Variants in ABCB1 observed in about 807,000 individuals in gnomAD.
ABCB1 encodes ATP-dependent translocase ABCB1.
Under a neutral mutation model 142.0 loss-of-function variants are expected in ABCB1, and 69 were observed. The ratio of observed to expected loss-of-function variants is 0.49; its 90% CI spans 0.40 to 0.59. The LOEUF is 0.59. Ranked by LOEUF, ABCB1 falls within the 20% of genes least tolerant of loss-of-function variation. The probability of loss-of-function intolerance (pLI) is 0.00; values close to 1 mark genes in which losing one functional copy is unlikely to be tolerated. For synonymous variants in ABCB1, 532 were observed against 539.2 expected (o/e 0.99, Z 0.18); for missense variants, 1,326 against 1,554.7 (o/e 0.85, Z 2.47).
chr7:87,516,639 G>C lies in ABCB1; in HGVS notation c.2954C>G (p.Ala985Gly), dbSNP rs1306027704. 6.2e-7 allele frequency: 1 copy of C among 1,613,592 alleles called. No individual in the cohort carries two copies. The highest frequency in any genetic ancestry group is 1.7e-5 in the Admixed American group (1 of 59,978). ...LLVFSAVVFG[A>G]MAVGQVSSFA... ...TGAACTGACTTGCCCCACGGCCATG[G>C]CACCAAAGACAACAGCTGAAAATAC... The change falls in exon 24 of 28, where the codon GCC becomes GGC. Residue 985 changes from alanine (A) to glycine (G), a missense_variant. Physicochemically the swap from Ala to Gly is moderately conservative, Grantham distance 60. Transcript: ENST00000622132.
rs762287951 is a variant in ABCB1 at position 87,539,361 on chromosome 7, T to TA, written c.2320-17dup. ...ATGTGAAACCCTGTGGGCAGGAACA[T>TA]ACCTTGTCAGGGACCCAGCCACCAT... is the stretch of plus-strand genomic sequence containing the variant. On this transcript the variant is annotated splice_polypyrimidine_tract_variant and intron_variant, in intron 18 of 27. Coordinates refer to ENST00000622132, the MANE Select transcript of ABCB1 (RefSeq NM_001348946.2). 1 of 1,613,076 alleles carries TA rather than the reference T, an allele frequency of 6.2e-7. No individual in the cohort carries two copies. Among genetic ancestry groups the TA allele is most frequent in the Admixed American group, 1.7e-5 (1 of 60,004 alleles).
chr7:87,530,476 A>AC (rs28401768), intron 21 of ABCB1, among the ~76,000 whole-genome samples: 84 of 151,942 alleles, frequency 5.5e-4, no homozygotes, highest in African/African-American at 2.0e-3. Context: ...GAGATAATAG[A>AC]CCCCATATGG....
chr7:87,619,406 G>A (rs1820143165), intron 1 of ABCB1, among the ~76,000 whole-genome samples: 1 of 151,976 alleles, frequency 6.6e-6, no homozygotes. Context: ...GGGTATGGTG[G>A]CACATGCTTG....
At chr7:87,524,088 C>T (rs1815667199) in intron 21 of ABCB1, among the ~76,000 whole-genome samples, 1 of 151,982 alleles carries the variant, frequency 6.6e-6, no homozygotes, top group African/African-American at 2.4e-5. Context: ...AATTACCTAA[C>T]TTCAAACATA....
intron 1 of ABCB1, chr7:87,628,591 GT>G: frequency 1.4e-5 from 1 of 70,990 alleles, no homozygotes; most frequent in Non-Finnish European, 2.8e-5. Flanking sequence ...GTGCGTGTGT[GT>G]GTGTGTGTGT....
At chr7:87,680,323 A>C (rs1271209387) in intron 1 of ABCB1, among the ~76,000 whole-genome samples, 1 of 150,776 alleles carries the variant, frequency 6.6e-6, no homozygotes, top group Non-Finnish European at 1.5e-5. Context: ...TAACTCTTGG[A>C]TCAAAGAGGG....
intron 4 of ABCB1, among the ~76,000 whole-genome samples, chr7:87,570,661 T>C (rs1818010855): frequency 6.6e-6 from 1 of 152,164 alleles, no homozygotes; most frequent in African/African-American, 2.4e-5. Flanking sequence ...CAAAGAACAG[T>C]GTAATAAACA....
chr7:87,642,381 G>A (rs937808605), intron 1 of ABCB1, among the ~76,000 whole-genome samples: 1 of 151,832 alleles, frequency 6.6e-6, no homozygotes, highest in Non-Finnish European at 1.5e-5. Flanking sequence ...TAGCTTACTA[G>A]GAAGCTCACT....
intron 1 of ABCB1, 58 bp from the exon 2 acceptor site, chr7:87,600,248 G>A (rs1819391822): frequency 1.4e-6 from 2 of 1,390,804 alleles, no homozygotes; most frequent in Non-Finnish European, 2.0e-6. Context: ...CGCTGGAGGT[G>A]AGACTAACCT....
At chr7:87,605,227 G>A (rs1563072314), upstream of ABCB1, among the ~76,000 whole-genome samples, 1 of 152,148 alleles carries the variant, frequency 6.6e-6, no homozygotes, top group Non-Finnish European at 1.5e-5. Flanking sequence ...TCCGCCTCCT[G>A]GGTTCCAGCA....
intron 3 of ABCB1, among the ~76,000 whole-genome samples, chr7:87,594,495 T>C (rs1385551535): frequency 6.6e-6 from 1 of 152,172 alleles, no homozygotes; most frequent in African/African-American, 2.4e-5. Flanking sequence ...ATAAGACTCC[T>C]AAGGTTTAAA....
intron 1 of ABCB1, among the ~76,000 whole-genome samples, chr7:87,613,598 G>A (rs1819934420): frequency 6.6e-6 from 1 of 152,160 alleles, no homozygotes; most frequent in Non-Finnish European, 1.5e-5. Flanking sequence ...AATTAACACA[G>A]AAACAGAAAA....
In ABCB1 at chr7:87,607,966, A is replaced by G. The variant is rs909684405; in HGVS notation, c.-330-6888T>C. On this transcript the variant is annotated intron_variant, in intron 1 of 28. Transcript: ENST00000265724. ...TGAACTTATATATCTAAAGTGACCA[A>G]CTTCCTTTTCAAAGTCAATACCCAA... Among the ~76,000 whole-genome samples the G allele has an allele frequency of 7.2e-5, 11 of 152,302 alleles. No homozygotes were observed. The East Asian group carries it at 1.9e-3, about 27-fold the overall frequency.
chr7:87,520,912 G>A, intron 21 of ABCB1, 36 bp from the exon 22 acceptor site: 3 of 1,460,308 alleles, frequency 2.1e-6, no homozygotes, highest in Non-Finnish European at 2.9e-6. Flanking sequence ...AGAGGCACAA[G>A]AGTAAATAGT....
In ABCB1 at chr7:87,635,218, A is replaced by G. The variant is rs1821640858; in HGVS notation, c.-330-34140T>C. Reference sequence around the variant, plus strand: ...AAGCATCAGAGAGAATTGGGTATGTAGACTGCATTGCTCCACACTCTTCTA... The same window carrying G: ...AAGCATCAGAGAGAATTGGGTATGTGGACTGCATTGCTCCACACTCTTCTA... On this transcript the variant is annotated intron_variant, in intron 1 of 28. Transcript: ENST00000265724. Among the ~76,000 whole-genome samples the G allele has an allele frequency of 2.0e-5, 3 of 152,252 alleles. No individual in the cohort carries two copies. In the South Asian group the frequency reaches 6.2e-4, roughly 32 times the overall value.
intron 1 of ABCB1, among the ~76,000 whole-genome samples, chr7:87,657,594 C>T (rs922810406): frequency 1.2e-4 from 18 of 152,296 alleles, no homozygotes; most frequent in Admixed American, 2.6e-4. Context: ...CACCCCCCTT[C>T]CCACAATGTT....
At chr7:87,612,715 T>C (rs1393535127) in intron 1 of ABCB1, among the ~76,000 whole-genome samples, 1 of 152,172 alleles carries the variant, frequency 6.6e-6, no homozygotes, top group Non-Finnish European at 1.5e-5. Context: ...GATTTGTTCT[T>C]TTTACTTAGG....
intron 4 of ABCB1, among the ~76,000 whole-genome samples, chr7:87,583,074 A>T (rs1250191505): frequency 6.6e-6 from 1 of 152,230 alleles, no homozygotes; most frequent in Non-Finnish European, 1.5e-5. Context: ...TTTTGTAAAG[A>T]AGAAATTATA....
intron 1 of ABCB1, among the ~76,000 whole-genome samples, chr7:87,658,137 A>G (rs1189712319): frequency 6.6e-6 from 1 of 152,190 alleles, no homozygotes; most frequent in Non-Finnish European, 1.5e-5. Context: ...CCATGATTAA[A>G]ATGCTTTGAG....
Sources: gnomAD v4.1 joint callset for allele counts (sites outside exome capture counted in the v4.1 genomes callset) on GRCh38, gnomAD v4.1.1 for gene constraint, MANE v1.5 for transcripts, NCBI Gene and HGNC (gene_info 2026-07-23, HGNC 2026-07-21) for gene names.